Variants in TRIQK observed in about 807,000 individuals in gnomAD.
TRIQK encodes triple QxxK/R motif-containing protein.
In TRIQK, 10 loss-of-function variants were observed where a neutral mutation model predicts 10.8. The ratio of observed to expected loss-of-function variants is 0.92; its 90% CI spans 0.57 to 1.57. TRIQK has a LOEUF of 1.57. Among genes scored for constraint, TRIQK ranks in the 40% most tolerant of loss-of-function variants. The pLI, the probability that TRIQK is intolerant of heterozygous loss-of-function variation, is 0.00. For synonymous variants in TRIQK, 33 were observed against 33.7 expected, an observed-to-expected ratio of 0.98 and a Z score of 0.07; for missense variants, 107 against 97.7, an observed-to-expected ratio of 1.09 and a Z score of -0.40.
intron 3 of TRIQK, among the ~76,000 whole-genome samples, chr8:92,911,956 C>T (rs960473262): frequency 1.4e-5 from 2 of 147,968 alleles, no homozygotes; most frequent in African/African-American, 5.0e-5. Context: ...ATACATAAAA[C>T]AGCCATGGAA....
intron 1 of TRIQK, among the ~76,000 whole-genome samples, chr8:92,957,185 T>C (rs1167134250): frequency 6.6e-6 from 1 of 151,858 alleles, no homozygotes; most frequent in African/African-American, 2.4e-5. Context: ...AGACTCTACC[T>C]CTGTAAAATG....
chr8:92,914,258 T>C (rs112795885), intron 3 of TRIQK, among the ~76,000 whole-genome samples: 3,492 of 152,298 alleles, frequency 0.023, 83 homozygotes, highest in South Asian at 0.075. Context: ...CCCCTTCTTT[T>C]TTTCTAGTAG....
intron 2 of TRIQK, among the ~76,000 whole-genome samples, chr8:92,946,837 T>C (rs1443854545): frequency 1.3e-5 from 2 of 151,728 alleles, no homozygotes; most frequent in Non-Finnish European, 2.9e-5. Context: ...CTCGGCTCAC[T>C]GCGAGCTCCG....
chr8:92,998,908 A>G lies in TRIQK; in HGVS notation c.-181+18701T>C, dbSNP rs565868644. On this transcript the variant is annotated intron_variant, in intron 1 of 4. Transcript: ENST00000520686. ...CAGAGGTTAGGGAATGATTTACAAAAATGTCTTTGAAGACCATTAGAAAAT... is the reference window on the plus strand; with the variant it reads ...CAGAGGTTAGGGAATGATTTACAAAGATGTCTTTGAAGACCATTAGAAAAT... Among the ~76,000 whole-genome samples, 286 of 152,244 alleles carry G rather than the reference A, an allele frequency of 1.9e-3. 4 individuals are homozygous for G. The highest frequency in any genetic ancestry group is 8.9e-3 in the South Asian group (43 of 4,824).
At chr8:92,910,523 T>C (rs1276333286) in intron 3 of TRIQK, among the ~76,000 whole-genome samples, 1 of 151,048 alleles carries the variant, frequency 6.6e-6, no homozygotes, top group Non-Finnish European at 1.5e-5. Flanking sequence ...AGATTTTTAA[T>C]TCATAGTAAA....
At chr8:92,899,168 G>C (rs1808787818) in intron 3 of TRIQK, among the ~76,000 whole-genome samples, 1 of 151,504 alleles carries the variant, frequency 6.6e-6, no homozygotes, top group Non-Finnish European at 1.5e-5. Flanking sequence ...ATTTTTAGTA[G>C]AGATGGGGTT....
intron 3 of TRIQK, among the ~76,000 whole-genome samples, chr8:92,914,898 AT>A (rs1304405907): frequency 6.6e-6 from 1 of 152,152 alleles, no homozygotes; most frequent in African/African-American, 2.4e-5. Context: ...AAATCTCCAC[AT>A]TTTAGAGATA....
intron 1 of TRIQK, among the ~76,000 whole-genome samples, chr8:93,014,131 A>C: frequency 6.6e-6 from 1 of 152,174 alleles, no homozygotes; most frequent in East Asian, 1.9e-4. Context: ...AATCTGTTTC[A>C]GTATAATTGC....
Position 92,885,175 on chromosome 8 carries a change from A to G in TRIQK, c.*1447T>C, listed in dbSNP as rs73695586. 2,290 of 360,354 alleles carry G rather than the reference A, an allele frequency of 6.4e-3. 53 individuals carry two copies. The highest frequency in any genetic ancestry group is 0.044 in the African/African-American group (2,058 of 46,886). 22.3% of individuals were successfully genotyped at this position (360,354 alleles called of 1,614,324 possible). On this transcript the variant is annotated 3_prime_UTR_variant, in exon 5 of 5. Transcript: ENST00000521988. The stretch of plus-strand genomic sequence containing the variant: ...GGAACCTTTGGCTGTTTTCACACCA[A>G]TGAAATAAATTATGCTACTTGAAAA...
At chr8:92,905,965 T>C (rs181332207) in intron 3 of TRIQK, among the ~76,000 whole-genome samples, 86 of 152,308 alleles carry the variant, frequency 5.6e-4, no homozygotes, top group Non-Finnish European at 6.6e-4. Context: ...GGAGGTTATC[T>C]AGTTCAATAA....
chr8:92,887,502 G>C (rs919333707), intron 4 of TRIQK, among the ~76,000 whole-genome samples: 2 of 150,966 alleles, frequency 1.3e-5, no homozygotes, highest in African/African-American at 4.9e-5. Context: ...GTATGTATAT[G>C]TATATATCTC....
chr8:92,907,069 A>AT (rs1237000243), intron 3 of TRIQK, among the ~76,000 whole-genome samples: 1 of 152,194 alleles, frequency 6.6e-6, no homozygotes, highest in African/African-American at 2.4e-5. Context: ...AGAGAAAGAG[A>AT]TTGAGATTGA....
chr8:92,908,458 G>C (rs1809396084), intron 3 of TRIQK, among the ~76,000 whole-genome samples: 1 of 152,146 alleles, frequency 6.6e-6, no homozygotes, highest in African/African-American at 2.4e-5. Flanking sequence ...TGAAAATACA[G>C]CTGGTTCTGC....
intron 1 of TRIQK, chr8:92,973,308 T>A (rs62520822): frequency 6.6e-6 from 1 of 152,152 alleles, no homozygotes; most frequent in Admixed American, 6.5e-5. Flanking sequence ...CTTATATTTT[T>A]GTTTAGAACT....
chr8:92,918,940 T>C (rs1048726808), intron 2 of TRIQK, among the ~76,000 whole-genome samples: 1 of 151,928 alleles, frequency 6.6e-6, no homozygotes. Context: ...CTTCTGCATA[T>C]AGAAACCAGT....
chr8:92,914,038 C>T (rs943688334), intron 3 of TRIQK, among the ~76,000 whole-genome samples: 1 of 152,078 alleles, frequency 6.6e-6, no homozygotes, highest in Non-Finnish European at 1.5e-5. Flanking sequence ...TTGATGGGTG[C>T]AGCAAACCAC....
Position 92,956,075 on chromosome 8 carries a change from G to A in TRIQK, c.-180-1511C>T, listed in dbSNP as rs547821997. 1.1e-4 allele frequency among the ~76,000 whole-genome samples: 17 copies of A among 151,778 alleles called. No individual in the cohort carries two copies. The South Asian group carries it at 3.5e-3, about 31-fold the overall frequency. On this transcript the variant is annotated intron_variant, in intron 1 of 4. Transcript: ENST00000521988. The stretch of plus-strand genomic sequence containing the variant: ...TCTTAGGTATATATCCAAGAAAAAT[G>A]AAAACATCTCCACACAAAAACTTAT...
chr8:92,935,669 C>T (rs1485985514), intron 2 of TRIQK, among the ~76,000 whole-genome samples: 8 of 151,058 alleles, frequency 5.3e-5, no homozygotes, highest in Admixed American at 5.3e-4. Flanking sequence ...AAAACTGAGC[C>T]TTTGAAAAAT....
chr8:92,952,249 A>T lies in TRIQK; in HGVS notation c.-22+2157T>A, dbSNP rs113613096. On this transcript the variant is annotated intron_variant, in intron 2 of 4. Transcript: ENST00000521988. ...ACAGATGGAGAATGTAAGCAAAGACATGGAAATCTTAAGAAGGAACCAAAA... is the reference window on the plus strand; with the variant it reads ...ACAGATGGAGAATGTAAGCAAAGACTTGGAAATCTTAAGAAGGAACCAAAA... Among the ~76,000 whole-genome samples the T allele has an allele frequency of 3.8e-3, 582 of 152,194 alleles. 2 individuals carry two copies. The highest frequency in any genetic ancestry group is 6.2e-3 in the Non-Finnish European group (419 of 67,968).
Sources: allele counts gnomAD v4.1 joint callset (sites outside exome capture counted in the v4.1 genomes callset), GRCh38; gene constraint gnomAD v4.1.1; transcripts MANE v1.5; gene names NCBI Gene and HGNC (gene_info 2026-07-23, HGNC 2026-07-21).